DAB2IP: variants seen among roughly 807,000 people sequenced by gnomAD.
DAB2IP encodes the protein DAB2 interacting protein.
Under a neutral mutation model 107.2 loss-of-function variants are expected in DAB2IP, and 28 were observed. The ratio of observed to expected loss-of-function variants is 0.26; its 90% CI spans 0.19 to 0.36. The LOEUF (loss-of-function observed/expected upper bound fraction) is 0.36, where lower values mean the gene tolerates loss of function less well. Ranked by LOEUF, DAB2IP falls within the 10% of genes least tolerant of loss-of-function variation. DAB2IP has a pLI of 1.00. For missense variants in DAB2IP, 1,400 were observed against 1,644.7 expected, an observed-to-expected ratio of 0.85 and a Z score of 2.57; for synonymous variants, 755 against 706.4, an observed-to-expected ratio of 1.07 and a Z score of -1.09.
At chr9:121,753,827 C>T (rs548326901) in intron 3 of DAB2IP, among the ~76,000 whole-genome samples, 82 of 152,306 alleles carry the variant, frequency 5.4e-4, no homozygotes, top group South Asian at 4.6e-3. Context: ...TTCACCTGAG[C>T]GTCCCGGGTA....
At chr9:121,648,693 G>A (rs1451038758), upstream of DAB2IP, among the ~76,000 whole-genome samples, 1 of 152,206 alleles carries the variant, frequency 6.6e-6, no homozygotes, top group Non-Finnish European at 1.5e-5. Flanking sequence ...TGATTTGGGG[G>A]CTGCAGCCCT....
At chr9:121,632,838 G>A (rs1456853607) in intron 1 of DAB2IP, among the ~76,000 whole-genome samples, 1 of 152,344 alleles carries the variant, frequency 6.6e-6, no homozygotes, top group South Asian at 2.1e-4. Flanking sequence ...GAGGAATGCG[G>A]TGGGCAAGGT....
intron 1 of DAB2IP, among the ~76,000 whole-genome samples, chr9:121,640,411 A>C (rs1175233762): frequency 1.3e-5 from 2 of 152,164 alleles, no homozygotes; most frequent in African/African-American, 4.8e-5. Flanking sequence ...GAAATGCGAC[A>C]TCAGAGAAAG....
intron 3 of DAB2IP, among the ~76,000 whole-genome samples, chr9:121,738,040 G>A (rs796687926): frequency 3.2e-4 from 48 of 152,270 alleles, no homozygotes; most frequent in African/African-American, 1.0e-3. Context: ...CCAACCTGGA[G>A]GTGGGGAGGT....
intron 1 of DAB2IP, among the ~76,000 whole-genome samples, chr9:121,611,981 T>A (rs751433065): frequency 3.3e-4 from 51 of 152,244 alleles, no homozygotes; most frequent in Non-Finnish European, 5.7e-4. Context: ...ACTTATTATT[T>A]GCATTATTAT....
intron 11 of DAB2IP, among the ~76,000 whole-genome samples, chr9:121,771,424 G>T (rs1341643563): frequency 6.6e-6 from 1 of 152,178 alleles, no homozygotes; most frequent in Non-Finnish European, 1.5e-5. Context: ...TGGGAGTGTG[G>T]TCTCCCCCAA....
At chr9:121,714,396 A>T (rs1830485786) in intron 3 of DAB2IP, among the ~76,000 whole-genome samples, 4 of 152,222 alleles carry the variant, frequency 2.6e-5, no homozygotes, top group Non-Finnish European at 5.9e-5. Context: ...AACTCTGAGA[A>T]GGTGTTACTA....
In DAB2IP at chr9:121,772,664, T is replaced by C; in HGVS notation, c.2136T>C (p.Phe712=). The C allele has an allele frequency of 6.2e-7, 1 of 1,614,124 alleles. No individual in the cohort carries two copies. Among genetic ancestry groups the C allele is most frequent in the Non-Finnish European group, 8.5e-7 (1 of 1,179,992 alleles). Residue 712 remains phenylalanine, a synonymous_variant, in exon 12 of 16, where the codon TTT becomes TTC. Transcript: ENST00000408936. The surrounding 1 kb of genome is among the most constrained non-coding windows in gnomAD (Gnocchi z 4.7). ...CCCCCGAAAACAAGGACTTGTTTTTTGTCACAAGGTCCTCCGGGGTCCAGC... is the reference window on the plus strand; with the variant it reads ...CCCCCGAAAACAAGGACTTGTTTTTCGTCACAAGGTCCTCCGGGGTCCAGC...
At chr9:121,743,459 A>T (rs563939773) in intron 3 of DAB2IP, among the ~76,000 whole-genome samples, 51 of 150,988 alleles carry the variant, frequency 3.4e-4, no homozygotes, top group Non-Finnish European at 6.5e-4. Flanking sequence ...TGTTTCCTGT[A>T]TAGGAAAAAG....
intron 3 of DAB2IP, among the ~76,000 whole-genome samples, chr9:121,714,206 G>A (rs1206371885): frequency 6.6e-6 from 1 of 152,120 alleles, no homozygotes; most frequent in African/African-American, 2.4e-5. Context: ...AGCAAGAGAT[G>A]GCCCAAGACA....
At chr9:121,750,123 G>A (rs1832999351) in intron 3 of DAB2IP, among the ~76,000 whole-genome samples, 1 of 152,202 alleles carries the variant, frequency 6.6e-6, no homozygotes, top group Non-Finnish European at 1.5e-5. Context: ...CAACCCATGA[G>A]GAAGGTGTGT....
Position 121,782,523 on chromosome 9 carries a change from C to T in DAB2IP, c.*25C>T, listed in dbSNP as rs1307053044. ...ACCTGCCTGAGGAGGGAGGAAGCTACCCAAGGAGAGGGGGACTATGGTGGC... is the reference window on the plus strand; with the variant it reads ...ACCTGCCTGAGGAGGGAGGAAGCTATCCAAGGAGAGGGGGACTATGGTGGC... On this transcript the variant is annotated 3_prime_UTR_variant, in exon 16 of 16. Coordinates refer to ENST00000408936, the Ensembl canonical transcript of DAB2IP. This position sits in a 1 kb window ranked among gnomAD's most constrained non-coding sequence, Gnocchi z 6.1. 1.9e-6 allele frequency: 3 copies of T among 1,610,860 alleles called. No homozygotes were observed. The highest frequency in any genetic ancestry group is 2.5e-6 in the Non-Finnish European group (3 of 1,177,854).
intron 3 of DAB2IP, among the ~76,000 whole-genome samples, chr9:121,716,853 C>A (rs1344376965): frequency 7.2e-5 from 11 of 152,214 alleles, no homozygotes; most frequent in Non-Finnish European, 1.6e-4. Flanking sequence ...ACCCTGCAGT[C>A]ACTCTTCCCG....
chr9:121,587,255 G>A (rs1366938106), intron 1 of DAB2IP, among the ~76,000 whole-genome samples: 1 of 152,142 alleles, frequency 6.6e-6, no homozygotes, highest in African/African-American at 2.4e-5. Context: ...TGCAGTGTAG[G>A]CAGAGGAAAC....
At chr9:121,584,022 C>CA (rs955970030) in intron 1 of DAB2IP, among the ~76,000 whole-genome samples, 26 of 151,808 alleles carry the variant, frequency 1.7e-4, no homozygotes, top group African/African-American at 6.3e-4. Flanking sequence ...ACTAAAAATA[C>CA]AAAAAATAGC....
intron 1 of DAB2IP, among the ~76,000 whole-genome samples, chr9:121,625,665 CT>C (rs71826972): frequency 9.6e-4 from 136 of 141,292 alleles, no homozygotes; most frequent in East Asian, 6.1e-3. Flanking sequence ...GGGCTTTCTG[CT>C]TTTTTTTTTT....
At chr9:121,653,925 A>G (rs1832868140) in intron 1 of DAB2IP, among the ~76,000 whole-genome samples, 1 of 152,224 alleles carries the variant, frequency 6.6e-6, no homozygotes, top group South Asian at 2.1e-4. Context: ...GAGATCAGGG[A>G]GAGCTTCACA....
At chr9:121,680,360 G>T (rs986929951) in intron 2 of DAB2IP, among the ~76,000 whole-genome samples, 5 of 152,198 alleles carry the variant, frequency 3.3e-5, no homozygotes, top group Non-Finnish European at 7.3e-5. Context: ...CTGGGAACCT[G>T]CATTTTAACA....
chr9:121,782,783 T>C lies in DAB2IP; in HGVS notation c.*285T>C. On this transcript the variant is annotated 3_prime_UTR_variant, in exon 16 of 16. Transcript: ENST00000408936. The surrounding 1 kb of genome is among the most constrained non-coding windows in gnomAD (Gnocchi z 6.1). ...TGGGGCAGGGGGCCTGCCAAAAATA[T>C]GTCTGTTGGTTCCTGAATGTGGTGT... The C allele has an allele frequency of 2.4e-6, 3 of 1,275,654 alleles. No individual in the cohort carries two copies. Among genetic ancestry groups the C allele is most frequent in the East Asian group, 3.5e-5 (1 of 28,594 alleles). The allele number at this position is 1,275,654 out of a possible 1,614,324, so 79.0% of individuals were successfully genotyped here.
Sources: gnomAD v4.1 joint callset for allele counts (sites outside exome capture counted in the v4.1 genomes callset) on GRCh38, gnomAD v4.1.1 for gene constraint, Gnocchi (gnomAD v3.1) non-coding constraint, MANE v1.5 for transcripts, NCBI Gene and HGNC (gene_info 2026-07-23, HGNC 2026-07-21) for gene names.